ULK4: variants seen among roughly 807,000 people sequenced by gnomAD.
The protein encoded by ULK4 is unc-51 like kinase 4.
Under a neutral mutation model 160.6 loss-of-function variants are expected in ULK4, and 133 were observed. That is an observed-to-expected ratio of 0.83 (90% CI 0.72 to 0.96). The LOEUF (loss-of-function observed/expected upper bound fraction) is 0.96. ULK4 is among the 40% of genes least tolerant of loss of function. The probability of loss-of-function intolerance (pLI) is 0.00; values close to 1 mark genes in which losing one functional copy is unlikely to be tolerated. For missense variants in ULK4, 1,580 were observed against 1,499.5 expected, an observed-to-expected ratio of 1.05 and a Z score of -0.89; for synonymous variants, 534 against 539.8, an observed-to-expected ratio of 0.99 and a Z score of 0.15.
chr3:41,352,213 G>A (rs1372936394), intron 35 of ULK4, among the ~76,000 whole-genome samples: 1 of 152,146 alleles, frequency 6.6e-6, no homozygotes, highest in East Asian at 1.9e-4. Flanking sequence ...CTGGTTACCA[G>A]CTGGACTAGA....
At chr3:41,823,891 G>A (rs1201155994) in intron 18 of ULK4, among the ~76,000 whole-genome samples, 1 of 152,168 alleles carries the variant, frequency 6.6e-6, no homozygotes, top group African/African-American at 2.4e-5. Context: ...GGCTGGGCAT[G>A]GTGGCTCACG....
In ULK4 at chr3:41,470,018, G is replaced by GAAAAAA. The variant is rs71094650; in HGVS notation, c.3227-6771_3227-6766dup. ...GAGGAATTCAAGAAGAAACAGAACA[G>GAAAAAA]AAAAAAAAAAAAAAAAAAAAAAAAA... On this transcript the variant is annotated intron_variant, in intron 32 of 36. Coordinates refer to ENST00000301831, the MANE Select transcript of ULK4 (RefSeq NM_017886.4). Among the ~76,000 whole-genome samples the GAAAAAA allele has an allele frequency of 4.1e-3, 189 of 45,976 alleles. 15 individuals carry two copies. The highest frequency in any genetic ancestry group is 6.3e-3 in the East Asian group (7 of 1,104). 30.2% of individuals were successfully genotyped at this position (45,976 alleles called of 152,430 possible). A position where few individuals can be genotyped will look rare whatever the true frequency, so the allele number is the denominator to read the frequency against.
intron 32 of ULK4, among the ~76,000 whole-genome samples, chr3:41,510,180 A>G (rs2085522624): frequency 6.6e-6 from 1 of 152,238 alleles, no homozygotes; most frequent in South Asian, 2.1e-4. Flanking sequence ...AGGAATAGCT[A>G]TTCTTATATC....
chr3:41,681,128 C>A (rs1263107671), intron 29 of ULK4, among the ~76,000 whole-genome samples: 2 of 152,170 alleles, frequency 1.3e-5, no homozygotes, highest in East Asian at 3.9e-4. Context: ...GGGATTACCT[C>A]TATCTCTATT....
Position 41,488,781 on chromosome 3 carries a change from G to A in ULK4, c.3227-25528C>T, listed in dbSNP as rs184852384. ...AAGTGTCTTAGCTATGAGAAAGCTT[G>A]ATACTGAGAAAAGTACCACTTGGCC... On this transcript the variant is annotated intron_variant, in intron 32 of 36. Coordinates refer to ENST00000301831, the MANE Select transcript of ULK4 (RefSeq NM_017886.4). Among the ~76,000 whole-genome samples the A allele has an allele frequency of 2.0e-5, 3 of 152,290 alleles. No individual in the cohort carries two copies. The East Asian group carries it at 5.8e-4, about 29-fold the overall frequency.
At chr3:41,328,586 G>A (rs550044300) in intron 35 of ULK4, among the ~76,000 whole-genome samples, 4 of 152,238 alleles carry the variant, frequency 2.6e-5, no homozygotes, top group African/African-American at 9.6e-5. Flanking sequence ...AGATTCCACT[G>A]GTAGAAGTTA....
chr3:41,930,077 A>G (rs571103118), intron 5 of ULK4, among the ~76,000 whole-genome samples: 5 of 152,274 alleles, frequency 3.3e-5, no homozygotes, highest in African/African-American at 7.2e-5. Flanking sequence ...GCACTACCTA[A>G]CCTCAAACTA....
chr3:41,931,720 G>A, intron 5 of ULK4, 124 bp downstream of exon 5: 1 of 1,190,206 alleles, frequency 8.4e-7, no homozygotes, highest in East Asian at 2.3e-5. Flanking sequence ...ATGTCTGCTG[G>A]TCATTACCAT....
At chr3:41,692,640 C>A (rs1224845150) in intron 27 of ULK4, among the ~76,000 whole-genome samples, 1 of 151,106 alleles carries the variant, frequency 6.6e-6, no homozygotes, top group Non-Finnish European at 1.5e-5. Context: ...TTCTATCAGT[C>A]ATTATTTATT....
chr3:41,706,349 A>ATATATATATATTTATATATATATTT (rs1491392073), intron 25 of ULK4, among the ~76,000 whole-genome samples: 20 of 143,142 alleles, frequency 1.4e-4, no homozygotes, highest in African/African-American at 4.8e-4. Flanking sequence ...AAACAAAATA[A>ATATATATATATTTATATATATATTT]TATATATATA....
At position 41,566,027 on chromosome 3, in the gene ULK4, T is replaced by G. The variant is rs373605581; in HGVS notation, c.3224A>C (p.Gln1075Pro). 1.1e-5 allele frequency: 18 copies of G among 1,612,456 alleles called. No individual in the cohort carries two copies. The highest frequency in any genetic ancestry group is 1.5e-5 in the Non-Finnish European group (18 of 1,178,922). ...GAGTAATTCTATGAGGCATTTACCT[T>G]GTTCATAAAGTAGTTCCATATTCGA... ...KDSNMELLYE[Q>P]GLVSHICNLL... Residue 1075 changes from glutamine (Q) to proline (P), a missense_variant and splice_region_variant, in exon 32 of 37, where the codon CAA (glutamine) becomes CCA (proline). Physicochemically the swap from Gln to Pro is moderately conservative, Grantham distance 76 (BLOSUM62 -1). Transcript: ENST00000301831.
chr3:41,916,465 T>C (rs9311290), intron 7 of ULK4, among the ~76,000 whole-genome samples: 8,367 of 152,120 alleles, frequency 0.055, 418 homozygotes, highest in East Asian at 0.17. Flanking sequence ...CATGGTTCAC[T>C]CCAGCCTCTA....
At chr3:41,337,572 C>A (rs754582876) in intron 35 of ULK4, among the ~76,000 whole-genome samples, 1 of 152,136 alleles carries the variant, frequency 6.6e-6, no homozygotes, top group Non-Finnish European at 1.5e-5. Flanking sequence ...CACACAAATG[C>A]AAGCACATGC....
Position 41,295,345 on chromosome 3 carries a change from T to C in ULK4, c.3679-45771A>G, listed in dbSNP as rs1027408395. The stretch of plus-strand genomic sequence containing the variant: ...AAAATGCAAGACTTACAGACCTCAA[T>C]GTGAAATGCAAAACTATAAAACTCC... On this transcript the variant is annotated intron_variant, in intron 35 of 36. Transcript: ENST00000301831. Among the ~76,000 whole-genome samples, 2 of 133,628 alleles carry C rather than the reference T, an allele frequency of 1.5e-5. 1 individual carries two copies. The highest frequency in any genetic ancestry group is 3.4e-5 in the Non-Finnish European group (2 of 59,350). The allele number at this position is 133,628 out of a possible 152,430, so 87.7% of individuals were successfully genotyped here.
At chr3:41,471,033 A>G (rs915635482) in intron 32 of ULK4, among the ~76,000 whole-genome samples, 1 of 151,072 alleles carries the variant, frequency 6.6e-6, no homozygotes, top group Non-Finnish European at 1.5e-5. Context: ...GAGTAATTGA[A>G]TGAATTAAAC....
chr3:41,444,716 A>C (rs2083256419), intron 34 of ULK4, among the ~76,000 whole-genome samples: 3 of 152,152 alleles, frequency 2.0e-5, no homozygotes, highest in Non-Finnish European at 4.4e-5. Context: ...GCGGTGGCTC[A>C]CATCTGTAAT....
At chr3:41,345,212 G>A (rs78735094) in intron 35 of ULK4, among the ~76,000 whole-genome samples, 7,012 of 152,216 alleles carry the variant, frequency 0.046, 406 homozygotes, top group East Asian at 0.19. Context: ...GGATGACAGC[G>A]TGGCAATTCC....
chr3:41,493,114 A>G (rs2125909202), intron 32 of ULK4, among the ~76,000 whole-genome samples: 1 of 121,930 alleles, frequency 8.2e-6, no homozygotes, highest in East Asian at 2.1e-4. Context: ...CCCCAAATCA[A>G]CAGAATATAC....
intron 35 of ULK4, among the ~76,000 whole-genome samples, chr3:41,382,902 ATATTTGTTATTGTT>A (rs1315888526): frequency 3.3e-5 from 5 of 152,116 alleles, no homozygotes; most frequent in Admixed American, 2.0e-4. Context: ...CATAATGTGG[ATATTTGTTATTGTT>A]TATTTCAATT....
Sources: gnomAD v4.1 joint callset for allele counts (sites outside exome capture counted in the v4.1 genomes callset) on GRCh38, gnomAD v4.1.1 for gene constraint, MANE v1.5 for transcripts, NCBI Gene and HGNC (gene_info 2026-07-23, HGNC 2026-07-21) for gene names.